The following VTI1A variants were observed in gnomAD, a reference collection of about 807,000 sequenced individuals.
VTI1A encodes the protein vesicle transport through interaction with t-SNAREs homolog 1A.
In VTI1A, 22 loss-of-function variants were observed where a neutral mutation model predicts 34.9. The ratio of observed to expected loss-of-function variants is 0.63; its 90% confidence interval spans 0.45 to 0.90. The LOEUF (loss-of-function observed/expected upper bound fraction) is 0.90. Ranked by LOEUF, VTI1A falls within the 40% of genes least tolerant of loss-of-function variation. The probability of loss-of-function intolerance (pLI) is 0.00; values close to 1 mark genes in which losing one functional copy is unlikely to be tolerated. For missense variants in VTI1A, 268 were observed against 275.6 expected (o/e 0.97, Z 0.20); for synonymous variants, 87 against 97.3 (o/e 0.89, Z 0.62).
At chr10:112,511,238 A>G (rs1589846068) in intron 3 of VTI1A, among the ~76,000 whole-genome samples, 1 of 149,814 alleles carries the variant, frequency 6.7e-6, no homozygotes, top group Non-Finnish European at 1.5e-5. Flanking sequence ...TATGGGATAC[A>G]TGTGAGGTTT....
intron 7 of VTI1A, among the ~76,000 whole-genome samples, chr10:112,724,450 G>A (rs1478303751): frequency 2.0e-5 from 3 of 151,982 alleles, no homozygotes; most frequent in Non-Finnish European, 2.9e-5. Context: ...AACTATGGCT[G>A]GGATCCTTTT....
At chr10:112,614,369 C>T (rs1845437920) in intron 5 of VTI1A, among the ~76,000 whole-genome samples, 1 of 152,064 alleles carries the variant, frequency 6.6e-6, no homozygotes, top group Non-Finnish European at 1.5e-5. Context: ...GACCTTACTA[C>T]ACTTGAGGGG....
the VTI1A span, among the ~76,000 whole-genome samples, chr10:112,840,442 A>G: frequency 6.6e-6 from 1 of 152,172 alleles, no homozygotes; most frequent in African/African-American, 2.4e-5. Flanking sequence ...AACACAAGTG[A>G]TGGTGGCTAG....
At chr10:112,754,908 G>A (rs1851227179) in intron 7 of VTI1A, among the ~76,000 whole-genome samples, 2 of 152,204 alleles carry the variant, frequency 1.3e-5, no homozygotes, top group Admixed American at 6.5e-5. Context: ...TCAAAAATGT[G>A]TTCATAAGAT....
At chr10:112,830,283 T>A in the VTI1A span, among the ~76,000 whole-genome samples, 2 of 151,974 alleles carry the variant, frequency 1.3e-5, no homozygotes, top group African/African-American at 4.8e-5. Flanking sequence ...ACCTGACGCC[T>A]ACCCCTGGCC....
chr10:112,788,909 T>C (rs551073295), intron 7 of VTI1A, among the ~76,000 whole-genome samples: 1 of 152,246 alleles, frequency 6.6e-6, no homozygotes, highest in South Asian at 2.1e-4. Flanking sequence ...GACTTAATTC[T>C]AATAAAATAT....
chr10:112,548,299 C>T (rs1328778249), intron 5 of VTI1A, among the ~76,000 whole-genome samples: 2 of 152,106 alleles, frequency 1.3e-5, no homozygotes, highest in African/African-American at 2.4e-5. Flanking sequence ...AATTCAAAGC[C>T]AGTCACTTTT....
At chr10:112,691,689 A>G (rs1046024882) in intron 7 of VTI1A, among the ~76,000 whole-genome samples, 1 of 152,234 alleles carries the variant, frequency 6.6e-6, no homozygotes, top group African/African-American at 2.4e-5. Flanking sequence ...AATAGGCCCA[A>G]TGAAGTCCTG....
At position 112,609,106 on chromosome 10, in the gene VTI1A, A is replaced by T. The variant is rs985770535; in HGVS notation, c.428-59112A>T. On this transcript the variant is annotated intron_variant, in intron 5 of 7. Transcript: ENST00000393077. The stretch of plus-strand genomic sequence containing the variant: ...ATATGGTTATGATAAAGATTTGGTG[A>T]ATCTTATTTTATTTCTATATCAGTA... Among the ~76,000 whole-genome samples the T allele has an allele frequency of 2.0e-5, 3 of 152,174 alleles. No individual in the cohort carries two copies. In the East Asian group the frequency reaches 5.8e-4, roughly 29 times the overall value.
At chr10:112,607,097 G>A (rs113622790) in intron 5 of VTI1A, among the ~76,000 whole-genome samples, 18 of 152,136 alleles carry the variant, frequency 1.2e-4, no homozygotes, top group African/African-American at 4.3e-4. Flanking sequence ...GACCAGCCTG[G>A]CCAACATGGT....
At chr10:112,852,763 GGTTTT>G in the VTI1A span, among the ~76,000 whole-genome samples, 3 of 152,054 alleles carry the variant, frequency 2.0e-5, no homozygotes, top group East Asian at 1.9e-4. Context: ...TGTCTTTCTT[GGTTTT>G]GTTTTGTTTT....
intron 7 of VTI1A, among the ~76,000 whole-genome samples, chr10:112,696,629 T>A (rs1590081701): frequency 6.6e-6 from 1 of 152,332 alleles, no homozygotes; most frequent in South Asian, 2.1e-4. Flanking sequence ...TGAGCAACTT[T>A]CCTCTATTAT....
the VTI1A span, among the ~76,000 whole-genome samples, chr10:112,839,128 G>GA: frequency 6.6e-6 from 1 of 152,226 alleles, no homozygotes; most frequent in South Asian, 2.1e-4. Flanking sequence ...CTCAAGAGCA[G>GA]GAAGAGCAGA....
At chr10:112,618,520 T>TAGAGAGAGAG (rs1249234028) in intron 5 of VTI1A, among the ~76,000 whole-genome samples, 253 of 46,148 alleles carry the variant, frequency 5.5e-3, no homozygotes, top group African/African-American at 6.2e-3. Flanking sequence ...TATATATATA[T>TAGAGAGAGAG]ATATAGAGAG....
chr10:112,551,727 T>C (rs997249377), intron 5 of VTI1A, among the ~76,000 whole-genome samples: 1 of 152,208 alleles, frequency 6.6e-6, no homozygotes, highest in African/African-American at 2.4e-5. Flanking sequence ...ATTAAGTCTA[T>C]TTCATTATGT....
intron 7 of VTI1A, among the ~76,000 whole-genome samples, chr10:112,774,542 A>G (rs146395340): frequency 2.6e-4 from 39 of 152,252 alleles, no homozygotes; most frequent in African/African-American, 9.1e-4. Flanking sequence ...CAGTAAATTA[A>G]TCTCAGGAGG....
intron 5 of VTI1A, among the ~76,000 whole-genome samples, chr10:112,637,846 A>G (rs1846418538): frequency 1.3e-5 from 2 of 152,234 alleles, no homozygotes; most frequent in African/African-American, 4.8e-5. Flanking sequence ...TTAAATCAGA[A>G]TGTGTGGATT....
intron 7 of VTI1A, among the ~76,000 whole-genome samples, chr10:112,774,757 A>G (rs1851909565): frequency 1.3e-5 from 2 of 152,162 alleles, no homozygotes. Flanking sequence ...AACCATTTAG[A>G]AGAGGCAATA....
rs1346815027 is a variant in VTI1A, at chr10:112,761,413, AC to A, written c.561-53876del. ...GCTTTTGTACAAACAAGGAGCTTAC[AC>A]AAAACTCCCATTATGATGGTGGTTT... is the stretch of plus-strand genomic sequence containing the variant. On this transcript the variant is annotated intron_variant, in intron 7 of 7. Coordinates refer to ENST00000393077, the MANE Select transcript of VTI1A (RefSeq NM_145206.4). 2.2e-4 allele frequency among the ~76,000 whole-genome samples: 33 copies of A among 152,338 alleles called. 2 individuals carry two copies. Among genetic ancestry groups the A allele is most frequent in the African/African-American group, 7.9e-4 (33 of 41,576 alleles).
Sources: allele counts gnomAD v4.1 joint callset (sites outside exome capture counted in the v4.1 genomes callset), GRCh38; gene constraint gnomAD v4.1.1; transcripts MANE v1.5; gene names NCBI Gene and HGNC (gene_info 2026-07-23, HGNC 2026-07-21).